CFAP92: variants seen among roughly 807,000 people sequenced by gnomAD.
CFAP92 encodes the protein uncharacterized protein CFAP92.
In CFAP92, 86 loss-of-function variants were observed where a neutral mutation model predicts 106.3. That is an observed-to-expected ratio of 0.81 (90% CI 0.68 to 0.97). CFAP92 has a LOEUF of 0.97. Among genes scored for constraint, CFAP92 ranks in the 50% least tolerant of loss-of-function variants. The pLI, the probability that CFAP92 is intolerant of heterozygous loss-of-function variation, is 0.00. For missense variants in CFAP92, 1,204 were observed against 1,283.8 expected, an observed-to-expected ratio of 0.94 and a Z score of 0.95; for synonymous variants, 477 against 506.4, an observed-to-expected ratio of 0.94 and a Z score of 0.78.
intron 8 of CFAP92, chr3:128,968,886 T>A (rs1369640167): frequency 6.3e-6 from 1 of 159,268 alleles, no homozygotes; most frequent in Non-Finnish European, 1.4e-5. Context: ...GGCAGGTGGA[T>A]CACTGTCAGG....
intron 12 of CFAP92, among the ~76,000 whole-genome samples, chr3:128,921,026 G>C (rs1007248340): frequency 6.6e-6 from 1 of 152,172 alleles, no homozygotes; most frequent in African/African-American, 2.4e-5. Flanking sequence ...CTCACCACCT[G>C]CTTCTTTGAT....
chr3:128,913,346 G>A (rs908370272), intron 15 of CFAP92, among the ~76,000 whole-genome samples: 7 of 152,222 alleles, frequency 4.6e-5, no homozygotes, highest in Non-Finnish European at 1.0e-4. Flanking sequence ...CTCAGCTGAT[G>A]ATGTTCCCAC....
At chr3:128,910,634 G>A in intron 15 of CFAP92, 1 of 1,234,058 alleles carries the variant, frequency 8.1e-7, no homozygotes, top group Non-Finnish European at 1.2e-6. Context: ...GCCAGGCCTT[G>A]TGACCCCTGC....
At chr3:128,983,238 T>C (rs921195336) in intron 4 of CFAP92, among the ~76,000 whole-genome samples, 18 of 152,078 alleles carry the variant, frequency 1.2e-4, no homozygotes, top group African/African-American at 3.9e-4. Flanking sequence ...CTCAAAACAA[T>C]AAGCACACAT....
intron 13 of CFAP92, 126 bp downstream of exon 13, chr3:128,915,981 A>G (rs542055546): frequency 1.3e-5 from 8 of 606,396 alleles, no homozygotes; most frequent in Admixed American, 8.4e-5. Context: ...AGCCTTGTCT[A>G]CTTCCCCTAG....
intron 1 of CFAP92, chr3:129,002,163 C>A: frequency 2.7e-6 from 4 of 1,472,270 alleles, no homozygotes; most frequent in South Asian, 1.4e-5. Flanking sequence ...CCTGCGCCGT[C>A]CGCGCCGCCG....
chr3:128,978,403 A>T (rs1943299530), intron 4 of CFAP92: 4 of 340,990 alleles, frequency 1.2e-5, no homozygotes, highest in Non-Finnish European at 2.1e-5. Flanking sequence ...CATTATATCT[A>T]AAAAAAAATG....
At chr3:129,007,248 C>G (rs977914703), upstream of CFAP92, among the ~76,000 whole-genome samples, 17 of 152,196 alleles carry the variant, frequency 1.1e-4, no homozygotes, top group Non-Finnish European at 2.1e-4. Flanking sequence ...TCTGCTTTTG[C>G]TTTTCAAGTG....
intron 15 of CFAP92, among the ~76,000 whole-genome samples, chr3:128,913,834 GA>G (rs1237437381): frequency 6.6e-6 from 1 of 152,164 alleles, no homozygotes; most frequent in African/African-American, 2.4e-5. Flanking sequence ...TGCACAAAAT[GA>G]AGCATGCATA....
chr3:129,000,551 G>A (rs915514179), intron 1 of CFAP92, among the ~76,000 whole-genome samples: 3 of 152,178 alleles, frequency 2.0e-5, no homozygotes, highest in Non-Finnish European at 4.4e-5. Flanking sequence ...ACCGTTCCCG[G>A]TGCAGGTAAC....
chr3:129,012,721 G>A, the CFAP92 span, among the ~76,000 whole-genome samples: 4 of 152,200 alleles, frequency 2.6e-5, no homozygotes, highest in African/African-American at 7.2e-5. Context: ...CTCCCAAAAC[G>A]AAGGTTGGTG....
rs1256669295 is a variant in CFAP92, at chr3:128,910,722, C to G, written c.3281-389G>C. On this transcript the variant is annotated intron_variant, in intron 15 of 15. Transcript: ENST00000645291. ...TTCCAGGAATTTGGGCATATCTTTT[C>G]TGTCCTCGGTTCTGGCAGGTTCTCT... is the stretch of plus-strand genomic sequence containing the variant. 9.3e-6 allele frequency: 15 copies of G among 1,613,996 alleles called. No homozygotes were observed. The highest frequency in any genetic ancestry group is 1.3e-5 in the African/African-American group (1 of 74,938).
At chr3:128,965,915 G>A (rs1942332089) in intron 8 of CFAP92, among the ~76,000 whole-genome samples, 1 of 151,992 alleles carries the variant, frequency 6.6e-6, no homozygotes, top group African/African-American at 2.4e-5. Flanking sequence ...CTCTAGAATT[G>A]AATTTGTGTG....
rs564606022 is a variant in CFAP92, at chr3:128,927,854, A to C, written c.2751+4846T>G. ...ACACTAAGAACTACAGAAATCTCTG[A>C]GGAAAACTGAAGACCTAAATAACAG... On this transcript the variant is annotated intron_variant, in intron 12 of 15. Coordinates refer to ENST00000645291, the MANE Select transcript of CFAP92 (RefSeq NM_001394090.1). Among the ~76,000 whole-genome samples the C allele has an allele frequency of 4.6e-5, 7 of 152,358 alleles. No homozygotes were observed. In the East Asian group the frequency reaches 1.3e-3, roughly 29 times the overall value.
In CFAP92 at chr3:128,910,610, G is replaced by A. The variant is rs1031897915; in HGVS notation, c.3281-277C>T. The A allele has an allele frequency of 5.9e-5, 58 of 987,814 alleles. No individual in the cohort carries two copies. In the African/African-American group the frequency reaches 7.6e-4, roughly 13 times the overall value. The allele number at this position is 987,814 out of a possible 1,614,324, so 61.2% of individuals were successfully genotyped here. A position where few individuals can be genotyped will look rare whatever the true frequency, so the allele number is the denominator to read the frequency against. On this transcript the variant is annotated intron_variant, in intron 15 of 15. Transcript: ENST00000645291. The stretch of plus-strand genomic sequence containing the variant: ...CAGGGCTGGAATTAGAACCCAAGAC[G>A]GGGTGACTCCTGTGCCAGGCCTTGT...
intron 12 of CFAP92, among the ~76,000 whole-genome samples, chr3:128,926,813 A>T (rs1378207366): frequency 1.3e-5 from 2 of 152,000 alleles, no homozygotes; most frequent in Non-Finnish European, 2.9e-5. Context: ...GAGACATCAG[A>T]GGCTGGGCGA....
intron 15 of CFAP92, chr3:128,912,466 G>C: frequency 6.4e-7 from 1 of 1,568,154 alleles, no homozygotes; most frequent in African/African-American, 1.4e-5. Context: ...TCTTATCACG[G>C]TGCAGAAAGA....
chr3:128,987,574 A>G, intron 4 of CFAP92, 42 bp downstream of exon 4: 1 of 1,557,248 alleles, frequency 6.4e-7, no homozygotes, highest in Non-Finnish European at 8.8e-7. Context: ...CTAGTGAGTA[A>G]GCCCCAGGCT....
At chr3:128,996,411 G>A (rs1037844782), upstream of CFAP92, among the ~76,000 whole-genome samples, 2 of 152,174 alleles carry the variant, frequency 1.3e-5, no homozygotes, top group Admixed American at 1.3e-4. Flanking sequence ...CACCAAGATT[G>A]TATTGCACAA....
Sources: gnomAD v4.1 joint callset for allele counts (sites outside exome capture counted in the v4.1 genomes callset) on GRCh38, gnomAD v4.1.1 for gene constraint, MANE v1.5 for transcripts, NCBI Gene and HGNC (gene_info 2026-07-23, HGNC 2026-07-21) for gene names.